The following AOC2 variants were observed in gnomAD, a reference collection of about 807,000 sequenced individuals.
AOC2 encodes amine oxidase [copper-containing] 2.
AOC2 carries 57 observed loss-of-function variants against 53.8 expected under a neutral mutation model. The observed-to-expected ratio is 1.06, with a 90% CI of 0.86 to 1.32. The LOEUF (loss-of-function observed/expected upper bound fraction) is 1.32, where lower values mean the gene tolerates loss of function less well. Ranked by LOEUF, AOC2 falls within the 40% of genes most tolerant of loss-of-function variation. AOC2 has a pLI of 0.00. For missense variants in AOC2, 1,008 were observed against 957.2 expected (o/e 1.05, Z -0.70); for synonymous variants, 404 against 399.0 (o/e 1.01, Z -0.15).
At position 42,848,524 on chromosome 17, in the gene AOC2, AATATATAT is replaced by A. The variant is rs71228780; in HGVS notation, c.1589-548_1589-541del. Among the ~76,000 whole-genome samples, 3 of 131,288 alleles carry A rather than the reference AATATATAT, an allele frequency of 2.3e-5. No individual in the cohort carries two copies. In the Admixed American group the frequency reaches 2.3e-4, roughly 10 times the overall value. 86.1% of individuals were successfully genotyped at this position (131,288 alleles called of 152,430 possible). On this transcript the variant is annotated intron_variant, in intron 1 of 3. Transcript: ENST00000253799. ...TGTGGCTAGTGTGACAGAGGAACTG[AATATATAT>A]ATATATATATATACATATATATATA...
chr17:42,845,819 G>T lies in AOC2; in HGVS notation c.1193G>T (p.Cys398Phe), dbSNP rs201457751. Residue 398 changes from cysteine to phenylalanine, a missense_variant, in exon 1 of 4, where the codon TGC becomes TTC. Physicochemically the swap from Cys to Phe is radical, Grantham distance 205. Transcript: ENST00000253799. ...CGAGGCTTGGTGCGGGGAGTGGACTGCCCCTATCAAGCCACGATGGTGGAC... is the reference window on the plus strand; with the variant it reads ...CGAGGCTTGGTGCGGGGAGTGGACTTCCCCTATCAAGCCACGATGGTGGAC... Reference protein sequence around the residue: ...NSRGLVRGVDCPYQATMVDIH... With the variant: ...NSRGLVRGVDFPYQATMVDIH... The T allele has an allele frequency of 1.1e-5, 18 of 1,614,070 alleles. No homozygotes were observed. Among genetic ancestry groups the T allele is most frequent in the Non-Finnish European group, 1.5e-5 (18 of 1,180,058 alleles).
Position 42,850,395 on chromosome 17 carries a change from C to G in AOC2, c.*47C>G. 1 of 1,521,070 alleles carries G rather than the reference C, an allele frequency of 6.6e-7. No individual in the cohort carries two copies. Among genetic ancestry groups the G allele is most frequent in the Non-Finnish European group, 8.8e-7 (1 of 1,133,934 alleles). 94.2% of individuals were successfully genotyped at this position (1,521,070 alleles called of 1,614,324 possible). On this transcript the variant is annotated 3_prime_UTR_variant, in exon 4 of 4. Transcript: ENST00000253799. The stretch of plus-strand genomic sequence containing the variant: ...CGTGGTTAGGCACATGTACTTTTCC[C>G]TGTTTCTACTTTCTATTCTCCGTGT...
At chr17:42,847,857 C>T (rs949820347) in intron 1 of AOC2, among the ~76,000 whole-genome samples, 4 of 151,468 alleles carry the variant, frequency 2.6e-5, no homozygotes, top group Middle Eastern at 6.4e-3. Context: ...CTCAGTTCAC[C>T]GCAACCTCCA....
rs780441544 is a variant in AOC2, at chr17:42,850,253, G to A, written c.2176G>A (p.Asp726Asn). ...CAGTGTCTACTTTGAGAAGGGCCAG[G>A]ATGCTGGGCTCTGCAGCATCAATCC... ...PGSVYFEKGQ[D>N]AGLCSINPVA... Residue 726 changes from aspartate (D) to asparagine (N), a missense_variant, in exon 4 of 4, where the codon GAT becomes AAT. Asp to Asn is a conservative substitution (Grantham distance 23). Coordinates refer to ENST00000253799, the MANE Select transcript of AOC2 (RefSeq NM_009590.4). The A allele has an allele frequency of 3.1e-6, 5 of 1,614,158 alleles. No individual in the cohort carries two copies. In the South Asian group the frequency reaches 4.4e-5, roughly 14 times the overall value.
chr17:42,844,688 C>A lies in AOC2; in HGVS notation c.62C>A (p.Ala21Asp), dbSNP rs750690519. Residue 21 changes from alanine to aspartate, a missense_variant, in exon 1 of 4, where the codon GCC becomes GAC. Coordinates refer to ENST00000253799, the MANE Select transcript of AOC2 (RefSeq NM_009590.4). ...TCCCTCATTACCATCTTTGCCCTGGCCTATGTTTTGCTGACCAGCCCAGGT... is the reference window on the plus strand; with the variant it reads ...TCCCTCATTACCATCTTTGCCCTGGACTATGTTTTGCTGACCAGCCCAGGT... Reference protein sequence around the residue: ...ALSLITIFALAYVLLTSPGGS... With the variant: ...ALSLITIFALDYVLLTSPGGS... 1.2e-6 allele frequency: 2 copies of A among 1,614,206 alleles called. No individual in the cohort carries two copies. The highest frequency in any genetic ancestry group is 1.7e-6 in the Non-Finnish European group (2 of 1,180,016).
At position 42,845,834 on chromosome 17, in the gene AOC2, C is replaced by A. The variant is rs766601592; in HGVS notation, c.1208C>A (p.Thr403Lys). ...GGAGTGGACTGCCCCTATCAAGCCA[C>A]GATGGTGGACATCCATATATTAGTG... ...VRGVDCPYQA[T>K]MVDIHILVGK... Residue 403 changes from threonine (T) to lysine (K), a missense_variant, in exon 1 of 4, where the codon ACG becomes AAG. Transcript: ENST00000253799. 1.2e-6 allele frequency: 2 copies of A among 1,613,964 alleles called. No individual in the cohort carries two copies. The highest frequency in any genetic ancestry group is 1.7e-5 in the Admixed American group (1 of 59,992).
rs1223430350 is a variant in AOC2 at position 42,849,364 on chromosome 17, T to G, written c.1867T>G (p.Trp623Gly). Residue 623 changes from tryptophan (W) to glycine (G), a missense_variant, in exon 2 of 4, where the codon TGG becomes GGG. Physicochemically the swap from Trp to Gly is radical, Grantham distance 184 (BLOSUM62 -2). Coordinates refer to ENST00000253799, the MANE Select transcript of AOC2 (RefSeq NM_009590.4). ...LESDMERALS[W>G]GRYQLVVTQR... is the part of the protein sequence containing the mutation. ...GAGTGACATGGAGAGGGCCCTCAGCTGGGGGAGGTGAGGAGGGCCCTGGCC... is the reference window on the plus strand; with the variant it reads ...GAGTGACATGGAGAGGGCCCTCAGCGGGGGGAGGTGAGGAGGGCCCTGGCC... 6 of 1,610,628 alleles carry G rather than the reference T, an allele frequency of 3.7e-6. No homozygotes were observed. In the African/African-American group the frequency reaches 6.7e-5, roughly 18 times the overall value.
At position 42,845,390 on chromosome 17, in the gene AOC2, T is replaced by G; in HGVS notation, c.764T>G (p.Val255Gly). The change falls in exon 1 of 4, where the codon GTC becomes GGC. Residue 255 changes from valine (V) to glycine (G), a missense_variant. Val to Gly is a moderately radical substitution (Grantham distance 109). Transcript: ENST00000253799. ...GCCCTGGACCCTGCCCACTGGACTG[T>G]CCAGCAGGTCTTCTACCTTGGGCAC... ...HRALDPAHWT[V>G]QQVFYLGHYY... 1.2e-6 allele frequency: 2 copies of G among 1,614,174 alleles called. No homozygotes were observed. Among genetic ancestry groups the G allele is most frequent in the East Asian group, 4.5e-5 (2 of 44,880 alleles).
In AOC2 at chr17:42,846,222, C is replaced by CT; in HGVS notation, c.1588+9dup. The CT allele has an allele frequency of 6.8e-7, 1 of 1,463,828 alleles. No homozygotes were observed. Among genetic ancestry groups the CT allele is most frequent in the Non-Finnish European group, 9.1e-7 (1 of 1,104,456 alleles). 90.7% of individuals were successfully genotyped at this position (1,463,828 alleles called of 1,614,324 possible). On this transcript the variant is annotated intron_variant, in intron 1 of 3. Coordinates refer to ENST00000253799, the MANE Select transcript of AOC2 (RefSeq NM_009590.4). ...TGGACCTGGATGTGGCAGGTGAGTG[C>CT]TGAGGGGATGAGGATGGAGACTTGG...
Position 42,846,211 on chromosome 17 carries a change from G to T in AOC2, c.1585G>T (p.Ala529Ser). 5 of 1,519,424 alleles carry T rather than the reference G, an allele frequency of 3.3e-6. No homozygotes were observed. The highest frequency in any genetic ancestry group is 4.4e-6 in the Non-Finnish European group (5 of 1,133,962). The allele number at this position is 1,519,424 out of a possible 1,614,324, so 94.1% of individuals were successfully genotyped here. A position where few individuals can be genotyped will look rare whatever the true frequency, so the allele number is the denominator to read the frequency against. The change falls in exon 1 of 4, where the codon GCA (alanine) becomes TCA (serine). Residue 529 changes from alanine (A) to serine (S), a missense_variant. Ala to Ser is a moderately conservative substitution (Grantham distance 99). Transcript: ENST00000253799. Reference sequence around the variant, plus strand: ...CCACTTCAAGCTGGACCTGGATGTGGCAGGTGAGTGCTGAGGGGATGAGGA... The same window carrying T: ...CCACTTCAAGCTGGACCTGGATGTGTCAGGTGAGTGCTGAGGGGATGAGGA... ...AFHFKLDLDVAGLKNWVVAED... is the reference protein window; with the variant it reads ...AFHFKLDLDVSGLKNWVVAED...
At position 42,844,912 on chromosome 17, in the gene AOC2, G is replaced by A. The variant is rs543997459; in HGVS notation, c.286G>A (p.Glu96Lys). Residue 96 changes from glutamate to lysine, a missense_variant, in exon 1 of 4, where the codon GAG becomes AAG. Glu to Lys is a moderately conservative substitution (Grantham distance 56). Transcript: ENST00000253799. ...QPSDNCIFSVELQLPPKAAAL... is the reference protein window; with the variant it reads ...QPSDNCIFSVKLQLPPKAAAL... ...CTCGGACAACTGCATCTTCTCAGTG[G>A]AGCTGCAGCTGCCCCCCAAGGCTGC... 16 of 1,612,898 alleles carry A rather than the reference G, an allele frequency of 9.9e-6. No individual in the cohort carries two copies. The African/African-American group carries it at 2.1e-4, about 21-fold the overall frequency.
chr17:42,850,484 C>G lies in AOC2; in HGVS notation c.*136C>G. 1 of 1,052,292 alleles carries G rather than the reference C, an allele frequency of 9.5e-7. No homozygotes were observed. The highest frequency in any genetic ancestry group is 2.5e-5 in the East Asian group (1 of 39,574). 65.2% of individuals were successfully genotyped at this position (1,052,292 alleles called of 1,614,324 possible). A position where few individuals can be genotyped will look rare whatever the true frequency, so the allele number is the denominator to read the frequency against. ...TGTTCCTCTCACACGAAACCCCCAT[C>G]AGTCCCTTTGGTTAATTCTTACTTC... On this transcript the variant is annotated 3_prime_UTR_variant, in exon 4 of 4. Coordinates refer to ENST00000253799, the MANE Select transcript of AOC2 (RefSeq NM_009590.4).
rs774268887 is a variant in AOC2 at position 42,845,542 on chromosome 17, C to T, written c.916C>T (p.Pro306Ser). The T allele has an allele frequency of 2.5e-6, 4 of 1,614,178 alleles. No homozygotes were observed. The East Asian group carries it at 6.7e-5, about 27-fold the overall frequency. Residue 306 changes from proline (P) to serine (S), a missense_variant, in exon 1 of 4, where the codon CCC (proline) becomes TCC (serine). By Grantham distance (74) the Pro-to-Ser change is moderately conservative. Transcript: ENST00000253799. ...GTCTCGGAACTCTCCAGGTCCTCTT[C>T]CCCCTCTTCAGTTCTCGCCCCAGGG... Reference protein sequence around the residue: ...LRSRNSPGPLPPLQFSPQGSQ... With the variant: ...LRSRNSPGPLSPLQFSPQGSQ...
Position 42,849,555 on chromosome 17 carries a change from G to T in AOC2, c.1875-46G>T, listed in dbSNP as rs1041339735. 5 of 1,613,908 alleles carry T rather than the reference G, an allele frequency of 3.1e-6. No homozygotes were observed. In the Admixed American group the frequency reaches 8.3e-5, roughly 27 times the overall value. On this transcript the variant is annotated intron_variant, in intron 2 of 3. Coordinates refer to ENST00000253799, the MANE Select transcript of AOC2 (RefSeq NM_009590.4). Reference sequence around the variant, plus strand: ...TCTAAGGGACTCCTGGGCCAGTAAAGGCACTTGACATTTCCCAAAACCACC... The same window carrying T: ...TCTAAGGGACTCCTGGGCCAGTAAATGCACTTGACATTTCCCAAAACCACC...
Position 42,845,236 on chromosome 17 carries a change from G to C in AOC2, c.610G>C (p.Ala204Pro), listed in dbSNP as rs762752009. The C allele has an allele frequency of 2.2e-5, 35 of 1,613,954 alleles. 1 individual carries two copies. In the Admixed American group the frequency reaches 5.8e-4, roughly 27 times the overall value. The change falls in exon 1 of 4, where the codon GCT becomes CCT. Residue 204 changes from alanine to proline, a missense_variant. Physicochemically the swap from Ala to Pro is conservative, Grantham distance 27. Coordinates refer to ENST00000253799, the MANE Select transcript of AOC2 (RefSeq NM_009590.4). ...CAACTACAATGGCTCTACCCTGGCA[G>C]CTGTGCATGCCACCCCTCGGGGCTT... Reference protein sequence around the residue: ...TFNYNGSTLAAVHATPRGLRS... With the variant: ...TFNYNGSTLAPVHATPRGLRS...
chr17:42,845,443 C>A lies in AOC2; in HGVS notation c.817C>A (p.Arg273=), dbSNP rs375212352. Residue 273 remains arginine, a synonymous_variant, in exon 1 of 4, where the codon CGG becomes AGG. Transcript: ENST00000253799. ...CTATGCAGACTTGGGCCAGTTGGAA[C>A]GGGAGTTTAAGTCTGGCCGGTTGGA... The part of the protein sequence containing the change: ...HYYADLGQLE[R]EFKSGRLEVV... The A allele has an allele frequency of 2.5e-6, 4 of 1,614,034 alleles. No individual in the cohort carries two copies. The highest frequency in any genetic ancestry group is 3.3e-5 in the Admixed American group (2 of 60,010).
intron 1 of AOC2, among the ~76,000 whole-genome samples, chr17:42,846,435 T>C (rs2055600213): frequency 6.6e-6 from 1 of 151,884 alleles, no homozygotes; most frequent in Non-Finnish European, 1.5e-5. Context: ...GTGAAAAGAG[T>C]TCCCCCGCCC....
chr17:42,849,721 CTT>C lies in AOC2; in HGVS notation c.1996_1997del (p.Leu666ArgfsTer39), dbSNP rs1567687292. The C allele has an allele frequency of 6.2e-7, 1 of 1,614,232 alleles. No individual in the cohort carries two copies. The highest frequency in any genetic ancestry group is 2.2e-5 in the East Asian group (1 of 44,890). On this transcript the variant is annotated frameshift_variant, in exon 3 of 4. Transcript: ENST00000253799. LOFTEE classifies it high-confidence loss of function. ...FADFINNETL[L>X]GEDLVAWVTA... ...CTGACTTCATCAACAATGAAACCCT[CTT>C]AGGAGAGGTTGGTTGCCCTAGGGAC...
Position 42,845,795 on chromosome 17 carries a change from G to A in AOC2, c.1169G>A (p.Arg390Gln), listed in dbSNP as rs777486921. Reference protein sequence around the residue: ...DSSFGLGRNSRGLVRGVDCPY... With the variant: ...DSSFGLGRNSQGLVRGVDCPY... Reference sequence around the variant, plus strand: ...AGCTTTGGACTCGGCCGTAACAGCCGAGGCTTGGTGCGGGGAGTGGACTGC... The same window carrying A: ...AGCTTTGGACTCGGCCGTAACAGCCAAGGCTTGGTGCGGGGAGTGGACTGC... Residue 390 changes from arginine to glutamine, a missense_variant, in exon 1 of 4, where the codon CGA becomes CAA. Transcript: ENST00000253799. 5.6e-6 allele frequency: 9 copies of A among 1,614,060 alleles called. No individual in the cohort carries two copies. The highest frequency in any genetic ancestry group is 3.3e-5 in the South Asian group (3 of 91,088).
Sources: allele counts gnomAD v4.1 joint callset (sites outside exome capture counted in the v4.1 genomes callset), GRCh38; gene constraint gnomAD v4.1.1; transcripts MANE v1.5; gene names NCBI Gene and HGNC (gene_info 2026-07-23, HGNC 2026-07-21).